The following PTPRD variants were observed in gnomAD, a reference collection of about 807,000 sequenced individuals.
The protein encoded by PTPRD is protein tyrosine phosphatase receptor type D, also known as receptor-type tyrosine-protein phosphatase delta.
A neutral mutation model predicts 214.5 loss-of-function variants in PTPRD; 34 were observed. That is an observed-to-expected ratio of 0.16 (90% CI 0.12 to 0.21). The LOEUF (loss-of-function observed/expected upper bound fraction) is 0.21. PTPRD is among the 10% of genes least tolerant of loss of function. The pLI is 1.00. For synonymous variants in PTPRD, 1,128 were observed against 845.7 expected (o/e 1.33, Z -5.79); for missense variants, 2,545 against 2,398.7 (o/e 1.06, Z -1.27).
At chr9:8,352,524 T>G (rs926054356) in intron 39 of PTPRD, among the ~76,000 whole-genome samples, 4 of 152,190 alleles carry the variant, frequency 2.6e-5, no homozygotes, top group African/African-American at 9.6e-5. Context: ...GCCTGCCAAG[T>G]AAAGCTGCGT....
In PTPRD at chr9:9,781,471, T is replaced by C. The variant is rs539414193; in HGVS notation, c.-367-14620A>G. Reference sequence around the variant, plus strand: ...GTGACATTGGAAGAAGGAAATCTAGTCAAATTTAATCAAATCAGTAAGATC... The same window carrying C: ...GTGACATTGGAAGAAGGAAATCTAGCCAAATTTAATCAAATCAGTAAGATC... On this transcript the variant is annotated intron_variant, in intron 5 of 45. Coordinates refer to ENST00000381196, the MANE Select transcript of PTPRD (RefSeq NM_002839.4). Among the ~76,000 whole-genome samples the C allele has an allele frequency of 2.6e-5, 4 of 152,256 alleles. No homozygotes were observed. The South Asian group carries it at 8.3e-4, about 32-fold the overall frequency.
At chr9:10,129,500 T>G (rs1433623515) in intron 3 of PTPRD, among the ~76,000 whole-genome samples, 1 of 10,656 alleles carries the variant, frequency 9.4e-5, no homozygotes, top group African/African-American at 6.0e-4. Flanking sequence ...TTTTCTTTCC[T>G]TTTTTTTTTT....
In PTPRD at chr9:10,124,952, T is replaced by C. The variant is rs921863795; in HGVS notation, c.-544-91162A>G. 6.6e-5 allele frequency among the ~76,000 whole-genome samples: 10 copies of C among 152,264 alleles called. No homozygotes were observed. The East Asian group carries it at 1.5e-3, about 24-fold the overall frequency. On this transcript the variant is annotated intron_variant, in intron 3 of 45. Transcript: ENST00000381196. ...GTCTCCAGAAGACCATCTTCAGAAA[T>C]GGTAGAGGACCCTTGCAAATGGCTG...
intron 2 of PTPRD, among the ~76,000 whole-genome samples, chr9:10,449,718 GGCAGCCA>G (rs1337338664): frequency 0.016 from 2,423 of 150,068 alleles, 47 homozygotes; most frequent in African/African-American, 0.05. Context: ...CCCTCTGCCC[GGCAGCCA>G]CCCCATCTGG....
chr9:8,656,287 G>C (rs953176778), intron 12 of PTPRD, among the ~76,000 whole-genome samples: 1 of 152,060 alleles, frequency 6.6e-6, no homozygotes, highest in Admixed American at 6.6e-5. Flanking sequence ...TTGTGTATTT[G>C]TTAAGACTAT....
chr9:9,389,313 C>A (rs910997493), intron 9 of PTPRD, among the ~76,000 whole-genome samples: 2 of 152,082 alleles, frequency 1.3e-5, no homozygotes, highest in African/African-American at 4.8e-5. Flanking sequence ...GAGCTTGAGA[C>A]CAGCCTGACC....
At chr9:9,355,605 T>C (rs371421419) in intron 9 of PTPRD, among the ~76,000 whole-genome samples, 155 of 151,652 alleles carry the variant, frequency 1.0e-3, no homozygotes, top group South Asian at 2.7e-3. Context: ...ATATGTTTTC[T>C]AGATATTCAA....
chr9:10,098,253 A>T (rs1422762799), intron 3 of PTPRD, among the ~76,000 whole-genome samples: 1 of 151,096 alleles, frequency 6.6e-6, no homozygotes, highest in African/African-American at 2.4e-5. Flanking sequence ...ACAAAAAACC[A>T]AACACCGCGT....
At chr9:8,527,235 T>C in intron 16 of PTPRD, 110 bp downstream of exon 16, 3 of 1,180,600 alleles carry the variant, frequency 2.5e-6, no homozygotes, top group East Asian at 2.5e-5. Context: ...ATCTGGTGTC[T>C]ACACTGACAG....
chr9:9,522,935 C>T (rs80312241), intron 8 of PTPRD, among the ~76,000 whole-genome samples: 4,807 of 152,170 alleles, frequency 0.032, 273 homozygotes, highest in African/African-American at 0.11. Context: ...GAAGATTTGA[C>T]AGGGAAGGTG....
chr9:8,926,925 G>A (rs1379001557), intron 11 of PTPRD, among the ~76,000 whole-genome samples: 4 of 152,092 alleles, frequency 2.6e-5, no homozygotes, highest in African/African-American at 9.7e-5. Context: ...TGAGCCCAGG[G>A]AATAATGATG....
chr9:10,110,316 C>T (rs2098679265), intron 3 of PTPRD, among the ~76,000 whole-genome samples: 1 of 152,166 alleles, frequency 6.6e-6, no homozygotes, highest in Non-Finnish European at 1.5e-5. Flanking sequence ...GTTATTATTG[C>T]TGTCATTCTG....
intron 6 of PTPRD, among the ~76,000 whole-genome samples, chr9:9,737,262 G>A (rs1451687243): frequency 2.0e-5 from 3 of 152,058 alleles, no homozygotes; most frequent in Non-Finnish European, 4.4e-5. Context: ...ATATTGTACT[G>A]TCTTACACAA....
intron 3 of PTPRD, among the ~76,000 whole-genome samples, chr9:10,177,071 C>A (rs1314089770): frequency 6.6e-6 from 1 of 151,756 alleles, no homozygotes; most frequent in Non-Finnish European, 1.5e-5. Flanking sequence ...AGTCCCTTCA[C>A]AAATCTTATA....
At chr9:9,231,109 A>G (rs926224712) in intron 9 of PTPRD, among the ~76,000 whole-genome samples, 2 of 151,878 alleles carry the variant, frequency 1.3e-5, no homozygotes, top group Non-Finnish European at 2.9e-5. Flanking sequence ...AAAATGCCCG[A>G]TTTTCATGTT....
At chr9:9,609,611 C>T (rs975828566) in intron 7 of PTPRD, among the ~76,000 whole-genome samples, 3 of 152,064 alleles carry the variant, frequency 2.0e-5, no homozygotes, top group Non-Finnish European at 4.4e-5. Context: ...TACAGATGTA[C>T]GCCACCACAC....
At chr9:9,942,186 T>C (rs951314492) in intron 4 of PTPRD, among the ~76,000 whole-genome samples, 3 of 152,040 alleles carry the variant, frequency 2.0e-5, no homozygotes, top group Non-Finnish European at 2.9e-5. Flanking sequence ...AAAATTTCCT[T>C]CTGGAAATAC....
intron 5 of PTPRD, among the ~76,000 whole-genome samples, chr9:9,792,435 C>CT (rs1249709400): frequency 6.6e-6 from 1 of 152,086 alleles, no homozygotes; most frequent in Non-Finnish European, 1.5e-5. Context: ...TTATAGCACT[C>CT]TTTTTTTGTA....
chr9:10,071,479 G>C (rs1041027764), intron 3 of PTPRD, among the ~76,000 whole-genome samples: 15 of 151,958 alleles, frequency 9.9e-5, no homozygotes, highest in African/African-American at 3.1e-4. Flanking sequence ...CACAAATATA[G>C]TCAACCCATC....
Sources: allele counts gnomAD v4.1 joint callset (sites outside exome capture counted in the v4.1 genomes callset), GRCh38; gene constraint gnomAD v4.1.1; transcripts MANE v1.5; gene names NCBI Gene and HGNC (gene_info 2026-07-23, HGNC 2026-07-21).